TRAP1: variants seen among roughly 807,000 people sequenced by gnomAD.
TRAP1 encodes the protein TNF receptor associated protein 1, also known as heat shock protein 75 kDa, mitochondrial.
TRAP1 carries 102 observed loss-of-function variants against 89.1 expected under a neutral mutation model. The observed-to-expected ratio is 1.15, with a 90% confidence interval of 0.98 to 1.35. The LOEUF is 1.35. Ranked by LOEUF, TRAP1 falls within the 40% of genes most tolerant of loss-of-function variation. The pLI is 0.00. For missense variants in TRAP1, 1,256 were observed against 945.3 expected, an observed-to-expected ratio of 1.33 and a Z score of -4.31; for synonymous variants, 508 against 388.0, an observed-to-expected ratio of 1.31 and a Z score of -3.64.
At chr16:3,689,311 C>T (rs957194329) in intron 2 of TRAP1, among the ~76,000 whole-genome samples, 174 bp from the exon 3 acceptor site, 1 of 145,056 alleles carries the variant, frequency 6.9e-6, no homozygotes, top group Non-Finnish European at 1.5e-5. Context: ...GTGGCACGAT[C>T]TCGGCTCACT....
intron 4 of TRAP1, among the ~76,000 whole-genome samples, chr16:3,682,176 C>T (rs1036419258): frequency 2.0e-5 from 3 of 151,996 alleles, no homozygotes; most frequent in Non-Finnish European, 4.4e-5. Flanking sequence ...AACCTCAAGC[C>T]CTACCTCACA....
intron 1 of TRAP1, among the ~76,000 whole-genome samples, chr16:3,695,397 C>T (rs780659399): frequency 3.3e-5 from 5 of 151,920 alleles, no homozygotes; most frequent in Admixed American, 1.3e-4. Context: ...CTTAGCCAGA[C>T]GTGGTGGCGC....
chr16:3,686,064 C>T lies in TRAP1; in HGVS notation c.403G>A (p.Gly135Ser), dbSNP rs774494863. 7 of 1,614,070 alleles carry T rather than the reference C, an allele frequency of 4.3e-6. No homozygotes were observed. The highest frequency in any genetic ancestry group is 1.7e-5 in the Admixed American group (1 of 60,002). Reference sequence around the variant, plus strand: ...ATCTCCATTTCTGGCAGTGCTTGGCCGTCAGACACCAGTTTGTGACGCAGT... The same window carrying T: ...ATCTCCATTTCTGGCAGTGCTTGGCTGTCAGACACCAGTTTGTGACGCAGT... ...EKLRHKLVSD[G>S]QALPEMEIHL... Residue 135 changes from glycine (G) to serine (S), a missense_variant, in exon 4 of 18, where the codon GGC (glycine) becomes AGC (serine). By Grantham distance (56) the Gly-to-Ser change is moderately conservative. Transcript: ENST00000246957.
Position 3,717,425 on chromosome 16 carries a change from CG to C in TRAP1, c.83del (p.Pro28ArgfsTer89). On this transcript the variant is annotated frameshift_variant, in exon 1 of 18. Coordinates refer to ENST00000246957, the MANE Select transcript of TRAP1 (RefSeq NM_016292.3). LOFTEE classifies it high-confidence loss of function. ...GTCCAGCCAGGACGCCCTCACCTCC[CG>C]GCACGGCCGCCAGCGCCGGCGCCCG... is the stretch of plus-strand genomic sequence containing the variant. ...LLRAPALAAV[P>X]GGKPILCPRR... 1.6e-6 allele frequency: 2 copies of C among 1,228,540 alleles called. No homozygotes were observed. The highest frequency in any genetic ancestry group is 3.1e-5 in the South Asian group (1 of 32,010). The allele number at this position is 1,228,540 out of a possible 1,614,324, so 76.1% of individuals were successfully genotyped here.
chr16:3,664,715 G>A (rs551290731), intron 12 of TRAP1: 269 of 454,042 alleles, frequency 5.9e-4, no homozygotes, highest in Admixed American at 1.3e-3. Flanking sequence ...GGAGCTACGC[G>A]CACCACGCCC....
In TRAP1 at chr16:3,658,780, C is replaced by G. The variant is rs373207952; in HGVS notation, c.2013+13G>C. The G allele has an allele frequency of 2.5e-6, 4 of 1,612,874 alleles. No individual in the cohort carries two copies. The East Asian group carries it at 8.9e-5, about 36-fold the overall frequency. On this transcript the variant is annotated intron_variant, in intron 17 of 17. Coordinates refer to ENST00000246957, the MANE Select transcript of TRAP1 (RefSeq NM_016292.3). ...CCTGGGTCCCTGCAGTCATCCTAAG[C>G]TGCTGCACTCACCTGATCCACCAGC...
At chr16:3,663,960 G>C (rs375457960) in intron 13 of TRAP1, 13 of 347,752 alleles carry the variant, frequency 3.7e-5, no homozygotes, top group African/African-American at 6.3e-5. Context: ...CTACTCAGGA[G>C]GCTGAGGCAG....
At chr16:3,669,873 A>G (rs756783945) in intron 11 of TRAP1, among the ~76,000 whole-genome samples, 1 of 150,684 alleles carries the variant, frequency 6.6e-6, no homozygotes, top group Non-Finnish European at 1.5e-5. Flanking sequence ...TTTCAGAACA[A>G]AGATAAACAT....
intron 15 of TRAP1, 75 bp downstream of exon 15, chr16:3,662,807 A>G (rs1348929083): frequency 2.1e-6 from 3 of 1,426,898 alleles, no homozygotes; most frequent in East Asian, 2.3e-5. Flanking sequence ...CGGGCCAGGT[A>G]CTGGGAGCCA....
At chr16:3,685,924 A>T in intron 4 of TRAP1, 72 bp downstream of exon 4, 1 of 1,549,798 alleles carries the variant, frequency 6.5e-7, no homozygotes, top group African/African-American at 1.4e-5. Context: ...GACCCGAGAC[A>T]TCACTAGAAG....
intron 10 of TRAP1, 121 bp downstream of exon 10, chr16:3,672,579 G>A (rs2050928337): frequency 7.0e-7 from 1 of 1,422,908 alleles, no homozygotes; most frequent in African/African-American, 1.4e-5. Flanking sequence ...AGGCAGCGCA[G>A]GCCGACGGCG....
At chr16:3,676,323 C>A in intron 6 of TRAP1, 178 bp from the exon 7 acceptor site, 2 of 377,466 alleles carry the variant, frequency 5.3e-6, no homozygotes, top group Non-Finnish European at 9.2e-6. Context: ...CCATCAGGAA[C>A]GATGAGCCTG....
At chr16:3,707,603 C>T (rs1297418963) in intron 1 of TRAP1, among the ~76,000 whole-genome samples, 1 of 151,400 alleles carries the variant, frequency 6.6e-6, no homozygotes, top group Non-Finnish European at 1.5e-5. Context: ...CCTGTAATCC[C>T]AGCACTTTGG....
intron 11 of TRAP1, among the ~76,000 whole-genome samples, chr16:3,670,130 C>T (rs2050891812): frequency 6.6e-6 from 1 of 151,950 alleles, no homozygotes. Context: ...AACCCGTAAT[C>T]CCAGCACTTT....
At chr16:3,668,828 G>A (rs760001795) in intron 11 of TRAP1, among the ~76,000 whole-genome samples, 4 of 152,190 alleles carry the variant, frequency 2.6e-5, no homozygotes, top group Non-Finnish European at 5.9e-5. Context: ...CTCACAGGAT[G>A]AAACACGTGT....
At chr16:3,709,942 G>A (rs532218681) in intron 1 of TRAP1, among the ~76,000 whole-genome samples, 7 of 152,124 alleles carry the variant, frequency 4.6e-5, no homozygotes, top group Non-Finnish European at 1.0e-4. Context: ...GAGCCACCGC[G>A]CCTGGCGAGA....
chr16:3,680,867 C>T (rs1449516943), intron 4 of TRAP1, among the ~76,000 whole-genome samples: 27 of 152,212 alleles, frequency 1.8e-4, no homozygotes, highest in Admixed American at 1.8e-3. Context: ...AAAGGGCCCT[C>T]GCCAGATGCC....
intron 1 of TRAP1, among the ~76,000 whole-genome samples, chr16:3,715,739 G>A (rs1267225836): frequency 6.6e-6 from 1 of 152,110 alleles, no homozygotes; most frequent in Non-Finnish European, 1.5e-5. Flanking sequence ...TTGAGGTCAG[G>A]CACTGGAGAC....
intron 13 of TRAP1, chr16:3,664,017 C>T (rs921208369): frequency 9.6e-6 from 4 of 415,460 alleles, no homozygotes; most frequent in African/African-American, 2.1e-5. Flanking sequence ...GAGCCGAGAT[C>T]GCACCACTGC....
Sources: gnomAD v4.1 joint callset for allele counts (sites outside exome capture counted in the v4.1 genomes callset) on GRCh38, gnomAD v4.1.1 for gene constraint, MANE v1.5 for transcripts, NCBI Gene and HGNC (gene_info 2026-07-23, HGNC 2026-07-21) for gene names.